The following DDX3X variants were observed in gnomAD, a reference collection of about 807,000 sequenced individuals.
DDX3X encodes the protein ATP-dependent RNA helicase DDX3X.
Under a neutral mutation model 52.7 loss-of-function variants are expected in DDX3X, and 4 were observed. The ratio of observed to expected loss-of-function variants is 0.08; its 90% confidence interval spans 0.04 to 0.17. The LOEUF is 0.17. Among genes scored for constraint, DDX3X ranks in the 10% least tolerant of loss-of-function variants. The pLI is 1.00. For synonymous variants in DDX3X, 192 were observed against 178.1 expected (o/e 1.08, Z -0.62); for missense variants, 222 against 548.6 (o/e 0.40, Z 5.95).
chrX:41,342,857 T>A (rs775726357), intron 6 of DDX3X, 21 bp downstream of exon 6: 27 of 1,133,950 alleles, frequency 2.4e-5, no homozygotes, highest in Non-Finnish European at 3.0e-5. Flanking sequence ...TTGCTTGACT[T>A]TTTAAGACAC....
chrX:41,353,866 AAAT>A (rs2063998802), downstream of DDX3X, among the ~76,000 whole-genome samples: 1 of 110,566 alleles, frequency 9.0e-6, no homozygotes, highest in African/African-American at 3.3e-5. Flanking sequence ...GACATAGAGA[AAAT>A]AACTTGTTCC....
chrX:41,342,693 A>ACT (rs1458360272), intron 5 of DDX3X, 40 bp downstream of exon 5: 14 of 1,207,869 alleles, frequency 1.2e-5, no homozygotes, highest in Non-Finnish European at 1.5e-5. Context: ...ATGAAGCCTT[A>ACT]CTAGCTAGTA....
rs369007114 is a variant in DDX3X at position 41,342,719 on chromosome X, T to A, written c.444-18T>A. 1 of 1,209,271 alleles carries A rather than the reference T, an allele frequency of 8.3e-7. No individual in the cohort carries two copies. Among genetic ancestry groups the A allele is most frequent in the Admixed American group, 2.2e-5 (1 of 46,026 alleles). ...CTAGCTAGTATAACAAATGAACTTA[T>A]CCATTTTTTGATTTGAGGGAACTCT... On this transcript the variant is annotated intron_variant, in intron 5 of 16. Transcript: ENST00000644876.
chrX:41,334,804 C>T, intron 1 of DDX3X: 3 of 909,416 alleles, frequency 3.3e-6, no homozygotes, highest in South Asian at 2.3e-5. Flanking sequence ...GAGGGGGCGG[C>T]CTTCGCTCGG....
chrX:41,354,078 G>A (rs573954420), downstream of DDX3X, among the ~76,000 whole-genome samples: 2 of 111,440 alleles, frequency 1.8e-5, no homozygotes, highest in South Asian at 3.7e-4. Flanking sequence ...TAATAAAACT[G>A]TATAGATTCA....
At chrX:41,357,199 G>T (rs748953807) in intron 5 of DDX3X, among the ~76,000 whole-genome samples, 8 of 110,888 alleles carry the variant, frequency 7.2e-5, no homozygotes, top group Non-Finnish European at 1.5e-4. Context: ...TTCCCAAATT[G>T]CTGGGATTAC....
intron 10 of DDX3X, 25 bp downstream of exon 10, chrX:41,344,424 T>C: frequency 8.4e-7 from 1 of 1,190,892 alleles, no homozygotes; most frequent in Non-Finnish European, 1.1e-6. Context: ...GTTTTTGTTT[T>C]TTTGTTTTGT....
chrX:41,347,595 T>C, intron 16 of DDX3X, 45 bp from the exon 17 acceptor site: 1 of 1,124,801 alleles, frequency 8.9e-7, no homozygotes, highest in South Asian at 1.9e-5. Context: ...TATTTAATGA[T>C]GGATAACTTC....
At chrX:41,335,577 T>G (rs1263074249) in intron 1 of DDX3X, 2 of 111,838 alleles carry the variant, frequency 1.8e-5, no homozygotes, top group Non-Finnish European at 3.8e-5. Flanking sequence ...TATGCGGAGC[T>G]TTTAAATAAA....
downstream of DDX3X, among the ~76,000 whole-genome samples, chrX:41,353,244 G>A (rs1199300437): frequency 1.4e-4 from 14 of 99,079 alleles, no homozygotes; most frequent in African/African-American, 5.3e-4. Flanking sequence ...ACGAGGTCAG[G>A]AGATCGAGAC....
At chrX:41,343,535 A>G (rs1348578840) in intron 7 of DDX3X, 184 bp downstream of exon 7, 1 of 540,901 alleles carries the variant, frequency 1.8e-6, no homozygotes, top group African/African-American at 2.4e-5. Flanking sequence ...AGCTTTATTT[A>G]TAAAAATAAC....
downstream of DDX3X, among the ~76,000 whole-genome samples, chrX:41,351,929 C>A (rs1485600210): frequency 1.8e-5 from 2 of 111,041 alleles, no homozygotes; most frequent in Non-Finnish European, 3.8e-5. Context: ...TGGGAGAAAA[C>A]AAAACGGACC....
chrX:41,343,416 T>A, intron 7 of DDX3X, 65 bp downstream of exon 7: 1 of 1,023,805 alleles, frequency 9.8e-7, no homozygotes, highest in Non-Finnish European at 1.3e-6. Flanking sequence ...AATAAAATAT[T>A]TTATTTTTTA....
chrX:41,344,167 A>G lies in DDX3X; in HGVS notation c.864+39A>G, dbSNP rs748834275. ...CCAGTGATTATTAGCTTTTTCATTG[A>G]TTCTAATTAAATGTTTTATGAACAT... On this transcript the variant is annotated intron_variant, in intron 9 of 16. Coordinates refer to ENST00000644876, the MANE Select transcript of DDX3X (RefSeq NM_001356.5). The G allele has an allele frequency of 5.9e-6, 7 of 1,186,340 alleles. No homozygotes were observed. The Admixed American group carries it at 1.4e-4, about 24-fold the overall frequency.
At chrX:41,351,486 C>G (rs779401577), downstream of DDX3X, 4 of 111,232 alleles carry the variant, frequency 3.6e-5, no homozygotes, top group Non-Finnish European at 5.7e-5. Flanking sequence ...ACGTGACCTG[C>G]TTGAGTGGCC....
intron 16 of DDX3X, 73 bp from the exon 17 acceptor site, chrX:41,347,567 T>C: frequency 1.8e-6 from 2 of 1,125,757 alleles, no homozygotes; most frequent in Non-Finnish European, 2.4e-6. Flanking sequence ...GATGGCAAAT[T>C]ACGTAAGGGA....
intron 1 of DDX3X, 135 bp from the exon 2 acceptor site, chrX:41,337,273 G>C: frequency 7.7e-6 from 4 of 520,352 alleles, no homozygotes; most frequent in Non-Finnish European, 1.4e-5. Context: ...TCTCATTAAG[G>C]GTTGGTATTA....
rs1243394799 is a variant in DDX3X, at chrX:41,350,134, ATTAG to A, written c.*2418_*2421del. 8.9e-6 allele frequency: 1 copy of A among 112,427 alleles called. No individual in the cohort carries two copies. The allele number at this position is 112,427 out of a possible 1,213,427, so 9.3% of individuals were successfully genotyped here. ...TGTAGCTTTAGTAATTGCTTATTGT[ATTAG>A]TTTAGATGCTAGCACTGCATGTGCT... On this transcript the variant is annotated 3_prime_UTR_variant, in exon 17 of 17. Transcript: ENST00000644876.
chrX:41,362,922 C>T (rs1320281197), intron 5 of DDX3X, among the ~76,000 whole-genome samples: 1 of 111,793 alleles, frequency 8.9e-6, no homozygotes, highest in Admixed American at 9.6e-5. Context: ...ATCAGACAGC[C>T]TCCCCTGCTG....
Sources: gnomAD v4.1 joint callset for allele counts (sites outside exome capture counted in the v4.1 genomes callset) on GRCh38, gnomAD v4.1.1 for gene constraint, MANE v1.5 for transcripts, NCBI Gene and HGNC (gene_info 2026-07-23, HGNC 2026-07-21) for gene names.